Variants in PDE1C observed in about 807,000 individuals in gnomAD.
PDE1C encodes the protein dual specificity calcium/calmodulin-dependent 3',5'-cyclic nucleotide phosphodiesterase 1C.
Under a neutral mutation model 93.1 loss-of-function variants are expected in PDE1C, and 62 were observed. The ratio of observed to expected loss-of-function variants is 0.67; its 90% confidence interval spans 0.54 to 0.82. The LOEUF (loss-of-function observed/expected upper bound fraction) is 0.82, where lower values mean the gene tolerates loss of function less well. PDE1C is among the 40% of genes least tolerant of loss of function. PDE1C has a pLI of 0.00. For synonymous variants in PDE1C, 325 were observed against 310.1 expected, an observed-to-expected ratio of 1.05 and a Z score of -0.50; for missense variants, 742 against 884.6, an observed-to-expected ratio of 0.84 and a Z score of 2.04.
chr7:31,724,485 T>A, the PDE1C span, among the ~76,000 whole-genome samples: 1 of 152,228 alleles, frequency 6.6e-6, no homozygotes, highest in Non-Finnish European at 1.5e-5. Context: ...GAAATTCTGA[T>A]CTGACAGCCA....
intron 1 of PDE1C, among the ~76,000 whole-genome samples, chr7:32,313,094 G>A (rs1366868694): frequency 6.6e-6 from 1 of 151,826 alleles, no homozygotes; most frequent in Admixed American, 6.6e-5. Flanking sequence ...GTGGGCGAAG[G>A]ATATGAATAG....
At chr7:32,232,754 G>A (rs35480242) in intron 1 of PDE1C, among the ~76,000 whole-genome samples, 12 of 152,088 alleles carry the variant, frequency 7.9e-5, no homozygotes, top group Admixed American at 1.3e-4. Context: ...ATGGATAGAC[G>A]GGTATCCATC....
At chr7:32,399,897 C>A (rs887250041) in intron 1 of PDE1C, among the ~76,000 whole-genome samples, 7 of 152,038 alleles carry the variant, frequency 4.6e-5, no homozygotes, top group African/African-American at 1.7e-4. Flanking sequence ...CTTCATTTAA[C>A]CTTAATTACC....
intron 2 of PDE1C, among the ~76,000 whole-genome samples, chr7:31,881,564 G>A (rs1442678284): frequency 1.3e-5 from 2 of 152,192 alleles, no homozygotes; most frequent in African/African-American, 4.8e-5. Flanking sequence ...AATGACTACA[G>A]ATGATCAACA....
intron 7 of PDE1C, among the ~76,000 whole-genome samples, chr7:31,861,513 C>G (rs997116228): frequency 6.6e-6 from 1 of 151,998 alleles, no homozygotes; most frequent in Admixed American, 6.6e-5. Context: ...ATCTTAAACT[C>G]TACATGTCTA....
At chr7:31,998,457 A>G (rs746969100) in intron 2 of PDE1C, among the ~76,000 whole-genome samples, 6 of 152,232 alleles carry the variant, frequency 3.9e-5, no homozygotes, top group Non-Finnish European at 7.3e-5. Flanking sequence ...TATTATGTCA[A>G]TTAATTCCTG....
chr7:32,133,757 G>GTA (rs1486996564), intron 3 of PDE1C, among the ~76,000 whole-genome samples: 1 of 152,044 alleles, frequency 6.6e-6, no homozygotes, highest in African/African-American at 2.4e-5. Context: ...ATAACGTCCA[G>GTA]TATATATATG....
intron 1 of PDE1C, among the ~76,000 whole-genome samples, chr7:32,317,129 C>G (rs1783191448): frequency 6.6e-6 from 1 of 151,796 alleles, no homozygotes; most frequent in African/African-American, 2.4e-5. Flanking sequence ...GAATGCAAGA[C>G]CACATGTTGG....
intron 3 of PDE1C, among the ~76,000 whole-genome samples, chr7:32,101,540 G>C (rs1298237629): frequency 6.6e-6 from 1 of 152,094 alleles, no homozygotes; most frequent in Non-Finnish European, 1.5e-5. Flanking sequence ...TAGTTCACTT[G>C]AAAGCTGGTT....
chr7:32,419,680 C>T (rs1435341354), intron 1 of PDE1C, among the ~76,000 whole-genome samples: 1 of 152,118 alleles, frequency 6.6e-6, no homozygotes, highest in Non-Finnish European at 1.5e-5. Context: ...TATTTTGCAA[C>T]TTGGCCACAT....
chr7:32,419,186 GCTGGGGAGAAGAAAATACA>G (rs1785336826), intron 1 of PDE1C, among the ~76,000 whole-genome samples: 1 of 152,196 alleles, frequency 6.6e-6, no homozygotes, highest in Non-Finnish European at 1.5e-5. Context: ...AAATCTACAA[GCTGGGGAGAAGAAAATACA>G]GGGGAACAAA....
the PDE1C span, among the ~76,000 whole-genome samples, chr7:31,709,401 C>G: frequency 6.6e-6 from 1 of 152,164 alleles, no homozygotes; most frequent in Non-Finnish European, 1.5e-5. Context: ...CGGCAAAGAG[C>G]TTCGTAAGCT....
chr7:32,148,560 T>G, intron 3 of PDE1C, among the ~76,000 whole-genome samples: 1 of 152,300 alleles, frequency 6.6e-6, no homozygotes. Flanking sequence ...TGATCTTAGC[T>G]TCTAAACTTA....
intron 9 of PDE1C, among the ~76,000 whole-genome samples, chr7:31,844,776 T>C (rs1189413648): frequency 1.3e-5 from 2 of 152,044 alleles, no homozygotes; most frequent in African/African-American, 4.8e-5. Context: ...AAATTGCCCT[T>C]ATGTTGGCTC....
chr7:32,133,367 T>C (rs1248891445), intron 3 of PDE1C, among the ~76,000 whole-genome samples: 2 of 152,162 alleles, frequency 1.3e-5, no homozygotes, highest in Non-Finnish European at 2.9e-5. Context: ...AAGTCACCAG[T>C]ACAGAGTAAA....
rs189524709 is a variant in PDE1C, at chr7:32,228,640, C to G, written c.86-19101G>C. On this transcript the variant is annotated intron_variant, in intron 1 of 18. Coordinates refer to the PDE1C transcript ENST00000396193. ...CAAAGGCTCAGAAAACTTCCAATCC[C>G]CAGTCACTTCCAACTTCCAAAGACT... is the stretch of plus-strand genomic sequence containing the variant. 1.4e-4 allele frequency among the ~76,000 whole-genome samples: 22 copies of G among 152,276 alleles called. No individual in the cohort carries two copies. The East Asian group carries it at 4.1e-3, about 28-fold the overall frequency.
chr7:32,137,424 G>A (rs141583709), intron 3 of PDE1C, among the ~76,000 whole-genome samples: 5 of 152,130 alleles, frequency 3.3e-5, no homozygotes, highest in Non-Finnish European at 4.4e-5. Context: ...CATATGCTTC[G>A]CTTAGGTGTC....
At chr7:32,206,002 C>A (rs1185932916) in intron 2 of PDE1C, among the ~76,000 whole-genome samples, 2 of 152,172 alleles carry the variant, frequency 1.3e-5, no homozygotes, top group African/African-American at 4.8e-5. Context: ...ACCAAGAACC[C>A]ACCAGAAGAA....
intron 1 of PDE1C, among the ~76,000 whole-genome samples, chr7:32,057,558 C>T (rs991442838): frequency 6.6e-6 from 1 of 152,146 alleles, no homozygotes; most frequent in Non-Finnish European, 1.5e-5. Context: ...TAAATAGGTT[C>T]CCCAAAGCTC....
Sources: allele counts gnomAD v4.1 joint callset (sites outside exome capture counted in the v4.1 genomes callset), GRCh38; gene constraint gnomAD v4.1.1; transcripts MANE v1.5; gene names NCBI Gene and HGNC (gene_info 2026-07-23, HGNC 2026-07-21).